NOX4: variants seen among roughly 807,000 people sequenced by gnomAD.
NOX4 encodes the protein NADPH oxidase 4, also known as kidney oxidase-1.
NOX4 carries 69 observed loss-of-function variants against 87.6 expected under a neutral mutation model. That is an observed-to-expected ratio of 0.79 (90% CI 0.65 to 0.96). NOX4 has a LOEUF of 0.96. NOX4 is among the 40% of genes least tolerant of loss of function. NOX4 has a pLI of 0.00. For synonymous variants in NOX4, 275 were observed against 238.2 expected, an observed-to-expected ratio of 1.15 and a Z score of -1.42; for missense variants, 680 against 681.5, an observed-to-expected ratio of 1.00 and a Z score of 0.02.
At chr11:89,559,309 G>T in the NOX4 span, among the ~76,000 whole-genome samples, 9,656 of 152,102 alleles carry the variant, frequency 0.063, 412 homozygotes, top group Non-Finnish European at 0.1. Context: ...TGAGAGGAAG[G>T]AGTCTATTTT....
chr11:89,466,046 G>A (rs74825739), intron 2 of NOX4, among the ~76,000 whole-genome samples: 1 of 152,112 alleles, frequency 6.6e-6, no homozygotes, highest in Non-Finnish European at 1.5e-5. Context: ...CACCAGGTTA[G>A]GATACAGCAA....
chr11:89,567,895 C>T, the NOX4 span, among the ~76,000 whole-genome samples: 3 of 152,212 alleles, frequency 2.0e-5, no homozygotes, highest in Admixed American at 6.5e-5. Flanking sequence ...CATGTGTACA[C>T]AGACTCCATC....
At chr11:89,578,022 C>G in the NOX4 span, among the ~76,000 whole-genome samples, 1 of 151,920 alleles carries the variant, frequency 6.6e-6, no homozygotes, top group Non-Finnish European at 1.5e-5. Context: ...GTATCCAATA[C>G]CGTATGTTTT....
At chr11:89,376,438 A>G (rs1939842878) in intron 11 of NOX4, among the ~76,000 whole-genome samples, 1 of 152,184 alleles carries the variant, frequency 6.6e-6, no homozygotes, top group African/African-American at 2.4e-5. Flanking sequence ...TTTTTGTTTT[A>G]GAAAACATCT....
At chr11:89,451,086 A>C (rs534868914) in intron 3 of NOX4, among the ~76,000 whole-genome samples, 2 of 132,118 alleles carry the variant, frequency 1.5e-5, no homozygotes, top group Admixed American at 8.1e-5. Context: ...GGGGGGAGGG[A>C]TAGCATTAGG....
intron 2 of NOX4, among the ~76,000 whole-genome samples, chr11:89,469,773 T>C (rs1945850353): frequency 6.6e-6 from 1 of 152,238 alleles, no homozygotes; most frequent in Non-Finnish European, 1.5e-5. Flanking sequence ...TTGCTTATAC[T>C]GTTACCCAAT....
chr11:89,436,596 T>C (rs2135330858), intron 6 of NOX4, among the ~76,000 whole-genome samples: 1 of 152,302 alleles, frequency 6.6e-6, no homozygotes, highest in East Asian at 1.9e-4. Context: ...TTGCATGACA[T>C]TGTAATTTCT....
At chr11:89,426,437 G>A (rs879551873) in intron 7 of NOX4, among the ~76,000 whole-genome samples, 2 of 151,978 alleles carry the variant, frequency 1.3e-5, no homozygotes, top group African/African-American at 4.8e-5. Flanking sequence ...CGCCTCACCT[G>A]GGAAGCGCAA....
the NOX4 span, among the ~76,000 whole-genome samples, chr11:89,514,916 G>A: frequency 6.6e-6 from 1 of 151,878 alleles, no homozygotes; most frequent in Non-Finnish European, 1.5e-5. Flanking sequence ...TCAAACTCAT[G>A]CATGCTCCTG....
intron 12 of NOX4, among the ~76,000 whole-genome samples, chr11:89,369,697 T>C (rs978315992): frequency 2.0e-5 from 3 of 152,078 alleles, no homozygotes; most frequent in African/African-American, 4.8e-5. Context: ...ATATGAATTA[T>C]GTAAAATCTG....
chr11:89,358,742 G>A (rs2134993552), intron 12 of NOX4, among the ~76,000 whole-genome samples: 1 of 150,438 alleles, frequency 6.6e-6, no homozygotes, highest in Non-Finnish European at 1.5e-5. Flanking sequence ...AAAATAATTT[G>A]ATGTTTTATT....
chr11:89,363,809 A>C (rs1464049918), intron 12 of NOX4, among the ~76,000 whole-genome samples: 1 of 152,140 alleles, frequency 6.6e-6, no homozygotes, highest in African/African-American at 2.4e-5. Flanking sequence ...ATGGTAACTC[A>C]ATAATAATAC....
the NOX4 span, among the ~76,000 whole-genome samples, chr11:89,544,124 T>C: frequency 8.5e-5 from 13 of 152,164 alleles, no homozygotes; most frequent in Non-Finnish European, 1.8e-4. Context: ...GGCTCAGGCA[T>C]GGGCAATGAT....
At chr11:89,347,673 T>C (rs1293398513) in intron 13 of NOX4, among the ~76,000 whole-genome samples, 1 of 152,142 alleles carries the variant, frequency 6.6e-6, no homozygotes, top group Non-Finnish European at 1.5e-5. Context: ...CAAAGCTCTT[T>C]CCTTCTCCCT....
chr11:89,562,524 T>G, the NOX4 span, among the ~76,000 whole-genome samples: 2 of 151,992 alleles, frequency 1.3e-5, no homozygotes, highest in African/African-American at 2.4e-5. Flanking sequence ...TTATTCCTAC[T>G]GCCTTCAGCC....
chr11:89,412,722 A>C (rs1202437609), intron 8 of NOX4, among the ~76,000 whole-genome samples: 2 of 152,114 alleles, frequency 1.3e-5, no homozygotes, highest in East Asian at 3.9e-4. Context: ...AAACTATGAA[A>C]CCTCTAAAAG....
At chr11:89,578,999 A>G in the NOX4 span, among the ~76,000 whole-genome samples, 1 of 152,236 alleles carries the variant, frequency 6.6e-6, no homozygotes, top group Non-Finnish European at 1.5e-5. Context: ...CTATCCAGCC[A>G]TGAAAAGACA....
the NOX4 span, among the ~76,000 whole-genome samples, chr11:89,538,852 C>A: frequency 6.6e-6 from 1 of 152,018 alleles, no homozygotes; most frequent in African/African-American, 2.4e-5. Flanking sequence ...CCCTCAATTT[C>A]ATATACTGAC....
At chr11:89,378,715 C>T (rs927068788) in intron 11 of NOX4, among the ~76,000 whole-genome samples, 8 of 151,804 alleles carry the variant, frequency 5.3e-5, no homozygotes, top group African/African-American at 1.9e-4. Context: ...AGAATAAAAA[C>T]GTCAAAGGTG....
Sources: gnomAD v4.1 joint callset for allele counts (sites outside exome capture counted in the v4.1 genomes callset) on GRCh38, gnomAD v4.1.1 for gene constraint, MANE v1.5 for transcripts, NCBI Gene and HGNC (gene_info 2026-07-23, HGNC 2026-07-21) for gene names.